The following DCUN1D5 variants were observed in gnomAD, a reference collection of about 807,000 sequenced individuals.
DCUN1D5 encodes DCN1-like protein 5.
DCUN1D5 carries 10 observed loss-of-function variants against 38.3 expected under a neutral mutation model. The ratio of observed to expected loss-of-function variants is 0.26; its 90% CI spans 0.16 to 0.44. The LOEUF is 0.44. Ranked by LOEUF, DCUN1D5 falls within the 20% of genes least tolerant of loss-of-function variation. DCUN1D5 has a pLI of 1.00. For synonymous variants in DCUN1D5, 93 were observed against 90.9 expected, an observed-to-expected ratio of 1.02 and a Z score of -0.13; for missense variants, 148 against 275.3, an observed-to-expected ratio of 0.54 and a Z score of 3.27.
At position 103,058,428 on chromosome 11, in the gene DCUN1D5, G is replaced by T. The variant is rs1861930530; in HGVS notation, c.*3931C>A. Among the ~76,000 whole-genome samples, 1 of 152,132 alleles carries T rather than the reference G, an allele frequency of 6.6e-6. No homozygotes were observed. The highest frequency in any genetic ancestry group is 1.5e-5 in the Non-Finnish European group (1 of 67,988). ...TGTGCTTTAAAAGATCTAAAGATTT[G>T]TTCCAGTGAAGTACAAGTTCACTAG... On this transcript the variant is annotated 3_prime_UTR_variant, in exon 8 of 8. Transcript: ENST00000260247.
chr11:103,051,511 C>CT lies in DCUN1D5; in HGVS notation c.*10847_*10848insA, dbSNP rs1260776350. 1.7e-5 allele frequency: 2 copies of CT among 120,456 alleles called. No homozygotes were observed. The highest frequency in any genetic ancestry group is 3.6e-5 in the Non-Finnish European group (2 of 55,484). 7.5% of individuals were successfully genotyped at this position (120,456 alleles called of 1,614,324 possible). A position where few individuals can be genotyped will look rare whatever the true frequency, so the allele number is the denominator to read the frequency against. On this transcript the variant is annotated 3_prime_UTR_variant, in exon 8 of 8. Coordinates refer to ENST00000260247, the MANE Select transcript of DCUN1D5 (RefSeq NM_032299.4). ...CTTCACATATTTACTTCCCCCCCCCCCCCGCCACCCCTGTGTTAACAGGTT... is the reference window on the plus strand; with the variant it reads ...CTTCACATATTTACTTCCCCCCCCCCTCCCGCCACCCCTGTGTTAACAGGTT...
rs1036091338 is a variant in DCUN1D5, at chr11:103,066,064, T to C, written c.555+205A>G. 4.0e-5 allele frequency among the ~76,000 whole-genome samples: 6 copies of C among 151,318 alleles called. No homozygotes were observed. Among genetic ancestry groups the C allele is most frequent in the Non-Finnish European group, 8.8e-5 (6 of 67,824 alleles). The stretch of plus-strand genomic sequence containing the variant: ...TCTTTTATTTGGGGGACTGGGGGGG[T>C]AGGATTGAAAATATCTTAGGTACAA... On this transcript the variant is annotated intron_variant, in intron 6 of 7. Coordinates refer to ENST00000260247, the MANE Select transcript of DCUN1D5 (RefSeq NM_032299.4). This position sits in a 1 kb window ranked among gnomAD's most constrained non-coding sequence, Gnocchi z 4.7.
In DCUN1D5 at chr11:103,077,023, C is replaced by T. The variant is rs1862425270; in HGVS notation, c.341+5725G>A. Among the ~76,000 whole-genome samples the T allele has an allele frequency of 6.6e-6, 1 of 152,154 alleles. No homozygotes were observed. Among genetic ancestry groups the T allele is most frequent in the South Asian group, 2.1e-4 (1 of 4,822 alleles). ...ACCATCCCGGCTAACATGGTGAAAC[C>T]CCGTCTCTACTAAAAATACAAAAAA... On this transcript the variant is annotated intron_variant, in intron 4 of 7. Transcript: ENST00000260247. This position sits in a 1 kb window ranked among gnomAD's most constrained non-coding sequence, Gnocchi z 4.3.
rs1472084427 is a variant in DCUN1D5, at chr11:103,078,673, C to G, written c.341+4075G>C. ...CACTCAAAATATTAGAATTCAAAACCTATCCTGGCAATTTTTTTATGTACT... is the reference window on the plus strand; with the variant it reads ...CACTCAAAATATTAGAATTCAAAACGTATCCTGGCAATTTTTTTATGTACT... On this transcript the variant is annotated intron_variant, in intron 4 of 7. Coordinates refer to ENST00000260247, the MANE Select transcript of DCUN1D5 (RefSeq NM_032299.4). This position sits in a 1 kb window ranked among gnomAD's most constrained non-coding sequence, Gnocchi z 4.6. Among the ~76,000 whole-genome samples the G allele has an allele frequency of 6.6e-6, 1 of 152,166 alleles. No homozygotes were observed. Among genetic ancestry groups the G allele is most frequent in the African/African-American group, 2.4e-5 (1 of 41,438 alleles).
Position 103,065,016 on chromosome 11 carries a change from C to T in DCUN1D5, c.556-639G>A, listed in dbSNP as rs1219536460. Among the ~76,000 whole-genome samples the T allele has an allele frequency of 6.6e-6, 1 of 152,094 alleles. No individual in the cohort carries two copies. Among genetic ancestry groups the T allele is most frequent in the Non-Finnish European group, 1.5e-5 (1 of 68,008 alleles). On this transcript the variant is annotated intron_variant, in intron 6 of 7. Coordinates refer to ENST00000260247, the MANE Select transcript of DCUN1D5 (RefSeq NM_032299.4). This position sits in a 1 kb window ranked among gnomAD's most constrained non-coding sequence, Gnocchi z 4.6. ...CTCCCCATAGAGCTGAATATTTTTACATTCAGTTAAATTTATTTTTGCCCA... is the reference window on the plus strand; with the variant it reads ...CTCCCCATAGAGCTGAATATTTTTATATTCAGTTAAATTTATTTTTGCCCA...
chr11:103,068,502 C>T (rs1427126947), intron 4 of DCUN1D5, among the ~76,000 whole-genome samples: 1 of 152,140 alleles, frequency 6.6e-6, no homozygotes, highest in East Asian at 1.9e-4. Flanking sequence ...GAATACTAAG[C>T]AGCCATAAAA....
rs1861833174 is a variant in DCUN1D5, at chr11:103,054,844, T to TA, written c.*7514dup. 1.3e-5 allele frequency: 2 copies of TA among 152,172 alleles called. No homozygotes were observed. Among genetic ancestry groups the TA allele is most frequent in the African/African-American group, 4.8e-5 (2 of 41,536 alleles). The allele number at this position is 152,172 out of a possible 1,614,324, so 9.4% of individuals were successfully genotyped here. A position where few individuals can be genotyped will look rare whatever the true frequency, so the allele number is the denominator to read the frequency against. On this transcript the variant is annotated 3_prime_UTR_variant, in exon 8 of 8. Coordinates refer to ENST00000260247, the MANE Select transcript of DCUN1D5 (RefSeq NM_032299.4). The stretch of plus-strand genomic sequence containing the variant: ...CAGTCCTAGATGTACTAAAATCAAT[T>TA]AGCCTTATTTTATGCTTTCCTAGCA...
chr11:103,066,410 C>G lies in DCUN1D5; in HGVS notation c.451-37G>C. On this transcript the variant is annotated intron_variant, in intron 5 of 7. Coordinates refer to ENST00000260247, the MANE Select transcript of DCUN1D5 (RefSeq NM_032299.4). The surrounding 1 kb of genome is among the most constrained non-coding windows in gnomAD (Gnocchi z 4.7). Reference sequence around the variant, plus strand: ...GTGAAAAAGTTTTCCTAAGTGTGGTCTCAAGATGAAAAGCTATTAAAACAA... The same window carrying G: ...GTGAAAAAGTTTTCCTAAGTGTGGTGTCAAGATGAAAAGCTATTAAAACAA... The G allele has an allele frequency of 6.3e-7, 1 of 1,595,702 alleles. No homozygotes were observed. Among genetic ancestry groups the G allele is most frequent in the Non-Finnish European group, 8.6e-7 (1 of 1,167,936 alleles).
At chr11:103,072,365 G>A (rs1467427601) in intron 4 of DCUN1D5, among the ~76,000 whole-genome samples, 1 of 151,806 alleles carries the variant, frequency 6.6e-6, no homozygotes, top group Non-Finnish European at 1.5e-5. Context: ...TCTAGATCTA[G>A]AACTAGAACT....
chr11:103,078,305 C>T lies in DCUN1D5; in HGVS notation c.341+4443G>A, dbSNP rs1193870880. Among the ~76,000 whole-genome samples, 1 of 152,154 alleles carries T rather than the reference C, an allele frequency of 6.6e-6. No homozygotes were observed. The highest frequency in any genetic ancestry group is 2.4e-5 in the African/African-American group (1 of 41,426). On this transcript the variant is annotated intron_variant, in intron 4 of 7. Transcript: ENST00000260247. This position sits in a 1 kb window ranked among gnomAD's most constrained non-coding sequence, Gnocchi z 4.6. Reference sequence around the variant, plus strand: ...TTCAGCTAGCAGATATGAGAAAAGACCTCCACTCTAGTACACTATGCCAGA... The same window carrying T: ...TTCAGCTAGCAGATATGAGAAAAGATCTCCACTCTAGTACACTATGCCAGA...
intron 2 of DCUN1D5, among the ~76,000 whole-genome samples, chr11:103,084,334 T>C (rs1862643642): frequency 6.6e-6 from 1 of 152,208 alleles, no homozygotes. Flanking sequence ...CAGGTAAATT[T>C]GACAGCACCA....
rs1001492170 is a variant in DCUN1D5 at position 103,073,984 on chromosome 11, C to T, written c.342-7417G>A. ...ACTCGGGGGGCTGATGTGGGAGGATCGCTTGAACCCAGGAGGTGAAGGTTG... is the reference window on the plus strand; with the variant it reads ...ACTCGGGGGGCTGATGTGGGAGGATTGCTTGAACCCAGGAGGTGAAGGTTG... On this transcript the variant is annotated intron_variant, in intron 4 of 7. Coordinates refer to ENST00000260247, the MANE Select transcript of DCUN1D5 (RefSeq NM_032299.4). This position sits in a 1 kb window ranked among gnomAD's most constrained non-coding sequence, Gnocchi z 4.2. Among the ~76,000 whole-genome samples, 10 of 151,942 alleles carry T rather than the reference C, an allele frequency of 6.6e-5. No homozygotes were observed. Among genetic ancestry groups the T allele is most frequent in the East Asian group, 1.9e-4 (1 of 5,166 alleles).
At chr11:103,076,824 T>A (rs1460127500) in intron 4 of DCUN1D5, among the ~76,000 whole-genome samples, 1 of 152,204 alleles carries the variant, frequency 6.6e-6, no homozygotes, top group Non-Finnish European at 1.5e-5. Flanking sequence ...CTACACACCT[T>A]GGTAGAAACT....
chr11:103,057,554 A>C lies in DCUN1D5; in HGVS notation c.*4805T>G, dbSNP rs1048528131. On this transcript the variant is annotated 3_prime_UTR_variant, in exon 8 of 8. Coordinates refer to ENST00000260247, the MANE Select transcript of DCUN1D5 (RefSeq NM_032299.4). The surrounding 1 kb of genome is among the most constrained non-coding windows in gnomAD (Gnocchi z 4.8). ...ATCCCATCTTTACTAAAACAAACAA[A>C]AAAAAAAATACAAAACTTAGCTGGG... Among the ~76,000 whole-genome samples, 11 of 151,574 alleles carry C rather than the reference A, an allele frequency of 7.3e-5. No homozygotes were observed. Among genetic ancestry groups the C allele is most frequent in the African/African-American group, 2.7e-4 (11 of 41,254 alleles).
chr11:103,066,875 T>C lies in DCUN1D5; in HGVS notation c.342-308A>G, dbSNP rs1342318392. 6.6e-6 allele frequency among the ~76,000 whole-genome samples: 1 copy of C among 152,214 alleles called. No individual in the cohort carries two copies. Among genetic ancestry groups the C allele is most frequent in the Non-Finnish European group, 1.5e-5 (1 of 68,016 alleles). On this transcript the variant is annotated intron_variant, in intron 4 of 7. Transcript: ENST00000260247. This position sits in a 1 kb window ranked among gnomAD's most constrained non-coding sequence, Gnocchi z 4.7. ...AAATAAAATCGAAGTTAAAAAGAGA[T>C]GTATTAAAACATGTTTTATCACATA...
intron 2 of DCUN1D5, among the ~76,000 whole-genome samples, chr11:103,084,942 A>G (rs1862662084): frequency 1.3e-5 from 2 of 152,142 alleles, no homozygotes; most frequent in South Asian, 2.1e-4. Context: ...AGCCATGATC[A>G]CGCCATTGTA....
chr11:103,076,060 C>T (rs930773798), intron 4 of DCUN1D5, among the ~76,000 whole-genome samples: 1 of 152,120 alleles, frequency 6.6e-6, no homozygotes, highest in African/African-American at 2.4e-5. Flanking sequence ...ATCTTTCATA[C>T]AAAATCTCAC....
intron 2 of DCUN1D5, among the ~76,000 whole-genome samples, chr11:103,088,551 A>C (rs774885588): frequency 6.6e-6 from 1 of 152,180 alleles, no homozygotes; most frequent in Non-Finnish European, 1.5e-5. Context: ...CAGTTACAAG[A>C]TTTAGCTGAG....
chr11:103,064,211 G>C lies in DCUN1D5; in HGVS notation c.658+64C>G. The C allele has an allele frequency of 8.1e-7, 1 of 1,234,348 alleles. No individual in the cohort carries two copies. The highest frequency in any genetic ancestry group is 1.8e-5 in the Admixed American group (1 of 56,050). The allele number at this position is 1,234,348 out of a possible 1,614,324, so 76.5% of individuals were successfully genotyped here. ...ACCTCTATGCTAATACTACACAAAT[G>C]CATACTCTCATTTAATATTTTTGGA... On this transcript the variant is annotated intron_variant, in intron 7 of 7. Transcript: ENST00000260247. The surrounding 1 kb of genome is among the most constrained non-coding windows in gnomAD (Gnocchi z 4.5).
Sources: allele counts gnomAD v4.1 joint callset (sites outside exome capture counted in the v4.1 genomes callset), GRCh38; gene constraint gnomAD v4.1.1; non-coding constraint Gnocchi (gnomAD v3.1); transcripts MANE v1.5; gene names NCBI Gene and HGNC (gene_info 2026-07-23, HGNC 2026-07-21).